The following EDIL3 variants were observed in gnomAD, a reference collection of about 807,000 sequenced individuals.
EDIL3 encodes the protein EGF like and discoidin domains 3.
In EDIL3, 37 loss-of-function variants were observed where a neutral mutation model predicts 67.4. The ratio of observed to expected loss-of-function variants is 0.55; its 90% CI spans 0.42 to 0.72. The LOEUF is 0.72. Ranked by LOEUF, EDIL3 falls within the 30% of genes least tolerant of loss-of-function variation. The pLI, the probability that EDIL3 is intolerant of heterozygous loss-of-function variation, is 0.00. For missense variants in EDIL3, 527 were observed against 586.3 expected, an observed-to-expected ratio of 0.90 and a Z score of 1.04; for synonymous variants, 195 against 196.3, an observed-to-expected ratio of 0.99 and a Z score of 0.05.
Position 84,283,856 on chromosome 5 carries a change from A to G in EDIL3, c.68-29644T>C, listed in dbSNP as rs536709157. Reference sequence around the variant, plus strand: ...ACAAGTTTACTATGTTCAAAATTGAACATAAGCTCCCTCAAACCACCCCGC... The same window carrying G: ...ACAAGTTTACTATGTTCAAAATTGAGCATAAGCTCCCTCAAACCACCCCGC... On this transcript the variant is annotated intron_variant, in intron 1 of 10. Coordinates refer to ENST00000296591, the MANE Select transcript of EDIL3 (RefSeq NM_005711.5). Among the ~76,000 whole-genome samples the G allele has an allele frequency of 1.1e-4, 16 of 152,306 alleles. No individual in the cohort carries two copies. In the East Asian group the frequency reaches 2.7e-3, roughly 26 times the overall value.
At chr5:84,057,634 A>G (rs1746473038) in intron 9 of EDIL3, among the ~76,000 whole-genome samples, 1 of 152,192 alleles carries the variant, frequency 6.6e-6, no homozygotes. Flanking sequence ...CCTTATTTAA[A>G]AAAAAGTCAG....
chr5:84,055,520 C>T (rs1314267634), intron 9 of EDIL3, among the ~76,000 whole-genome samples: 2 of 151,162 alleles, frequency 1.3e-5, no homozygotes, highest in African/African-American at 4.9e-5. Context: ...AGTGAACAGG[C>T]AACCTACAGA....
intron 1 of EDIL3, among the ~76,000 whole-genome samples, chr5:84,361,247 C>T (rs1747589617): frequency 6.7e-6 from 1 of 148,524 alleles, no homozygotes; most frequent in African/African-American, 2.5e-5. Flanking sequence ...GATGATACCA[C>T]CATTCTAGGT....
chr5:84,359,155 T>C (rs1459656022), intron 1 of EDIL3, among the ~76,000 whole-genome samples: 1 of 152,204 alleles, frequency 6.6e-6, no homozygotes, highest in Non-Finnish European at 1.5e-5. Context: ...AGTTTAAATA[T>C]GTGGAGTGAA....
At chr5:84,088,765 C>CAAA (rs1580321206) in intron 6 of EDIL3, among the ~76,000 whole-genome samples, 1 of 152,078 alleles carries the variant, frequency 6.6e-6, no homozygotes, top group East Asian at 1.9e-4. Context: ...GAGCCAAAAT[C>CAAA]ATAACAAAAT....
At chr5:84,160,784 CCTTT>C (rs1748594036) in intron 4 of EDIL3, among the ~76,000 whole-genome samples, 8 of 56,884 alleles carry the variant, frequency 1.4e-4, no homozygotes, top group East Asian at 5.0e-3. Context: ...CCTTTCCTTT[CCTTT>C]CCTTTCCTTT....
At chr5:84,340,699 C>T (rs928669047) in intron 1 of EDIL3, among the ~76,000 whole-genome samples, 1 of 151,480 alleles carries the variant, frequency 6.6e-6, no homozygotes, top group Non-Finnish European at 1.5e-5. Context: ...CTCACACCTG[C>T]ACATACTTTA....
intron 6 of EDIL3, among the ~76,000 whole-genome samples, chr5:84,069,962 G>A (rs1211667986): frequency 6.6e-6 from 1 of 152,094 alleles, no homozygotes; most frequent in Non-Finnish European, 1.5e-5. Context: ...AGGAGCAGAA[G>A]AGCACCACCG....
At chr5:84,212,622 T>C (rs1259496828) in intron 3 of EDIL3, among the ~76,000 whole-genome samples, 1 of 152,004 alleles carries the variant, frequency 6.6e-6, no homozygotes, top group East Asian at 1.9e-4. Flanking sequence ...AAACACAAGA[T>C]CTAAGACCAG....
chr5:84,215,138 A>T (rs1251966115), intron 3 of EDIL3, among the ~76,000 whole-genome samples: 1 of 152,206 alleles, frequency 6.6e-6, no homozygotes, highest in Non-Finnish European at 1.5e-5. Context: ...TGTATCAAAC[A>T]CTTGTTCTAG....
intron 9 of EDIL3, among the ~76,000 whole-genome samples, chr5:84,051,561 A>G (rs2112225055): frequency 6.6e-6 from 1 of 152,334 alleles, no homozygotes. Context: ...AAAACCTTGA[A>G]AAATGATTAA....
chr5:84,143,312 A>G (rs964193597), intron 4 of EDIL3, among the ~76,000 whole-genome samples: 1 of 152,074 alleles, frequency 6.6e-6, no homozygotes, highest in African/African-American at 2.4e-5. Flanking sequence ...TTCATTTTAA[A>G]GTGGCTAATT....
chr5:84,298,679 C>T (rs1481859614), intron 1 of EDIL3, among the ~76,000 whole-genome samples: 1 of 152,154 alleles, frequency 6.6e-6, no homozygotes, highest in African/African-American at 2.4e-5. Flanking sequence ...TTAAATGTGG[C>T]AACTGGCTAG....
intron 1 of EDIL3, among the ~76,000 whole-genome samples, chr5:84,373,497 T>G (rs305641): frequency 0.45 from 68,202 of 151,922 alleles, 15,548 homozygotes; most frequent in Middle Eastern, 0.54. Context: ...TTTCAGCCCT[T>G]CCAGGATCTA....
At chr5:84,006,794 A>G (rs1287258597) in intron 9 of EDIL3, among the ~76,000 whole-genome samples, 1 of 152,154 alleles carries the variant, frequency 6.6e-6, no homozygotes, top group Admixed American at 6.5e-5. Context: ...ATGGGAAATA[A>G]AACGTTTAAC....
At chr5:84,283,564 C>T (rs1422236874) in intron 1 of EDIL3, among the ~76,000 whole-genome samples, 1 of 152,140 alleles carries the variant, frequency 6.6e-6, no homozygotes, top group East Asian at 1.9e-4. Flanking sequence ...TTGCAACAAT[C>T]ATCTCAATTA....
At chr5:84,158,998 T>C (rs183227925) in intron 4 of EDIL3, among the ~76,000 whole-genome samples, 198 of 152,168 alleles carry the variant, frequency 1.3e-3, no homozygotes, top group African/African-American at 4.5e-3. Context: ...TTCCCTGTGG[T>C]GCCTATAACA....
At chr5:83,987,184 T>A (rs991096440) in intron 9 of EDIL3, among the ~76,000 whole-genome samples, 5 of 152,132 alleles carry the variant, frequency 3.3e-5, no homozygotes, top group African/African-American at 1.2e-4. Flanking sequence ...AGTCTTCTTA[T>A]GTTTATCTCT....
intron 9 of EDIL3, among the ~76,000 whole-genome samples, chr5:83,985,187 T>C (rs1376061171): frequency 2.1e-5 from 3 of 145,150 alleles, no homozygotes; most frequent in African/African-American, 5.0e-5. Context: ...TCCTTGCAAA[T>C]TGATTACACC....
Sources: gnomAD v4.1 joint callset for allele counts (sites outside exome capture counted in the v4.1 genomes callset) on GRCh38, gnomAD v4.1.1 for gene constraint, MANE v1.5 for transcripts, NCBI Gene and HGNC (gene_info 2026-07-23, HGNC 2026-07-21) for gene names.